Variants in ABLIM2 observed in about 807,000 individuals in gnomAD.
ABLIM2 encodes the protein actin-binding LIM protein 2.
A neutral mutation model predicts 97.7 loss-of-function variants in ABLIM2; 53 were observed. That is an observed-to-expected ratio of 0.54 (90% confidence interval 0.44 to 0.68). The LOEUF (loss-of-function observed/expected upper bound fraction) is 0.68, where lower values mean the gene tolerates loss of function less well. ABLIM2 is among the 30% of genes least tolerant of loss of function. The pLI, the probability that ABLIM2 is intolerant of heterozygous loss-of-function variation, is 0.00. For synonymous variants in ABLIM2, 361 were observed against 345.8 expected (o/e 1.04, Z -0.49); for missense variants, 835 against 867.2 (o/e 0.96, Z 0.47).
intron 1 of ABLIM2, among the ~76,000 whole-genome samples, chr4:8,136,329 T>G (rs1394050476): frequency 1.3e-5 from 2 of 152,128 alleles, no homozygotes; most frequent in Admixed American, 6.5e-5. Context: ...TTTGGGAAGA[T>G]GAGAGGGTCC....
Position 8,095,352 on chromosome 4 carries a change from C to T in ABLIM2, c.338+1747G>A, listed in dbSNP as rs142618729. On this transcript the variant is annotated intron_variant, in intron 3 of 20. Coordinates refer to ENST00000447017, the MANE Select transcript of ABLIM2 (RefSeq NM_001130083.2). The surrounding 1 kb of genome is among the most constrained non-coding windows in gnomAD (Gnocchi z 4.7). The stretch of plus-strand genomic sequence containing the variant: ...CTCCCAGCCTCAAGTGATCCTCGCA[C>T]CTCGGCCTCCCAAAGTGGAGGGATT... Among the ~76,000 whole-genome samples the T allele has an allele frequency of 3.8e-4, 58 of 152,274 alleles. No individual in the cohort carries two copies. Among genetic ancestry groups the T allele is most frequent in the African/African-American group, 1.2e-3 (50 of 41,550 alleles).
At chr4:8,101,013 C>A (rs1224726255) in intron 2 of ABLIM2, among the ~76,000 whole-genome samples, 1 of 152,156 alleles carries the variant, frequency 6.6e-6, no homozygotes, top group Non-Finnish European at 1.5e-5. Flanking sequence ...AGACTCAGAC[C>A]AGGGGAAAGC....
rs1421383805 is a variant in ABLIM2, at chr4:8,072,358, T to C, written c.675+5270A>G. On this transcript the variant is annotated intron_variant, in intron 6 of 20. Coordinates refer to ENST00000447017, the MANE Select transcript of ABLIM2 (RefSeq NM_001130083.2). This position sits in a 1 kb window ranked among gnomAD's most constrained non-coding sequence, Gnocchi z 5.8. ...GATGAAACCCACTTTGCTCGCCCAG[T>C]GCGGAGCGTGCCTGAGGCAGAGCAG... Among the ~76,000 whole-genome samples the C allele has an allele frequency of 6.6e-6, 1 of 152,176 alleles. No individual in the cohort carries two copies. The highest frequency in any genetic ancestry group is 1.5e-5 in the Non-Finnish European group (1 of 68,026).
chr4:8,025,466 C>T (rs1397801787), intron 12 of ABLIM2, among the ~76,000 whole-genome samples: 1 of 152,088 alleles, frequency 6.6e-6, no homozygotes, highest in Non-Finnish European at 1.5e-5. Flanking sequence ...GGTAGGTGGG[C>T]ACCCTCCTCT....
chr4:8,047,249 C>T (rs1041910697), intron 8 of ABLIM2, among the ~76,000 whole-genome samples: 1 of 152,202 alleles, frequency 6.6e-6, no homozygotes, highest in South Asian at 2.1e-4. Flanking sequence ...TGACACTCCA[C>T]CACCTGTCCG....
intron 1 of ABLIM2, among the ~76,000 whole-genome samples, chr4:8,117,579 C>T (rs1843351504): frequency 6.6e-6 from 1 of 152,172 alleles, no homozygotes; most frequent in South Asian, 2.1e-4. Context: ...GCAGACTCCA[C>T]CCACTGCAGT....
chr4:8,100,952 C>A (rs546435156), intron 2 of ABLIM2, among the ~76,000 whole-genome samples: 2 of 152,210 alleles, frequency 1.3e-5, no homozygotes, highest in East Asian at 3.9e-4. Context: ...TGCCCACACA[C>A]TAAATTGAAG....
intron 20 of ABLIM2, among the ~76,000 whole-genome samples, chr4:7,973,056 C>G (rs1729408231): frequency 8.4e-6 from 1 of 118,770 alleles, no homozygotes; most frequent in African/African-American, 3.1e-5. Context: ...AGGACTCCAG[C>G]AATGAGCTGC....
rs1014059160 is a variant in ABLIM2 at position 8,113,697 on chromosome 4, C to G, written c.11-7060G>C. Among the ~76,000 whole-genome samples the G allele has an allele frequency of 3.3e-5, 5 of 152,220 alleles. No homozygotes were observed. Among genetic ancestry groups the G allele is most frequent in the Admixed American group, 3.3e-4 (5 of 15,292 alleles). On this transcript the variant is annotated intron_variant, in intron 1 of 20. Transcript: ENST00000447017. The surrounding 1 kb of genome is among the most constrained non-coding windows in gnomAD (Gnocchi z 4.5). Reference sequence around the variant, plus strand: ...GCCAAGATGATTTCAGAAAGCTCCCCGTCTGCTGTTTGTATCATCCAAACG... The same window carrying G: ...GCCAAGATGATTTCAGAAAGCTCCCGGTCTGCTGTTTGTATCATCCAAACG...
chr4:7,983,240 C>A (rs1346740184), intron 20 of ABLIM2, 24 bp downstream of exon 20: 1 of 1,597,484 alleles, frequency 6.3e-7, no homozygotes, highest in Non-Finnish European at 8.5e-7. Context: ...AATGAGTCCC[C>A]TGCCCCGGCA....
At chr4:8,134,063 G>A (rs894106253) in intron 1 of ABLIM2, among the ~76,000 whole-genome samples, 4 of 152,316 alleles carry the variant, frequency 2.6e-5, no homozygotes, top group South Asian at 2.1e-4. Context: ...ACAGGCGGGC[G>A]GATGGGCCTC....
Position 8,045,248 on chromosome 4 carries a change from A to C in ABLIM2, c.823-7T>G. The C allele has an allele frequency of 1.2e-6, 2 of 1,612,770 alleles. No individual in the cohort carries two copies. Among genetic ancestry groups the C allele is most frequent in the Non-Finnish European group, 1.7e-6 (2 of 1,178,728 alleles). ...CTGAGGAAGTTCTGGTTTCCTGAGA[A>C]AGGAGAGAGGAAGAGATTGAAGGCA... On this transcript the variant is annotated splice_polypyrimidine_tract_variant and splice_region_variant and intron_variant, in intron 8 of 20. Transcript: ENST00000447017.
At chr4:8,088,370 CAA>C in intron 3 of ABLIM2, 86 bp from the exon 4 acceptor site, 1 of 1,015,580 alleles carries the variant, frequency 9.8e-7, no homozygotes, top group Middle Eastern at 2.1e-4. Context: ...AGACCAGGGC[CAA>C]TGTCTCCCCA....
At chr4:8,091,300 TTATATTATA>T (rs1444223435) in intron 3 of ABLIM2, among the ~76,000 whole-genome samples, 7,977 of 52,880 alleles carry the variant, frequency 0.15, 1,732 homozygotes, top group African/African-American at 0.32. Context: ...ATATTATATA[TTATATTATA>T]TATATATAAT....
chr4:8,046,278 C>A lies in ABLIM2; in HGVS notation c.823-1037G>T, dbSNP rs967381918. The stretch of plus-strand genomic sequence containing the variant: ...CCTGCGGACACACTCCTTCTGTGGT[C>A]CCCACACCTCTGGCTGCACCTGCTG... On this transcript the variant is annotated intron_variant, in intron 8 of 20. Coordinates refer to ENST00000447017, the MANE Select transcript of ABLIM2 (RefSeq NM_001130083.2). The surrounding 1 kb of genome is among the most constrained non-coding windows in gnomAD (Gnocchi z 4.4). Among the ~76,000 whole-genome samples the A allele has an allele frequency of 2.0e-5, 3 of 152,116 alleles. No homozygotes were observed. Among genetic ancestry groups the A allele is most frequent in the African/African-American group, 7.2e-5 (3 of 41,418 alleles).
rs569649629 is a variant in ABLIM2 at position 7,979,988 on chromosome 4, G to A, written c.1824+3276C>T. 2.6e-5 allele frequency among the ~76,000 whole-genome samples: 4 copies of A among 152,300 alleles called. No individual in the cohort carries two copies. In the East Asian group the frequency reaches 5.8e-4, roughly 22 times the overall value. On this transcript the variant is annotated intron_variant, in intron 20 of 20. Transcript: ENST00000447017. ...TATCAATGGAGCCAGCACAGAAAAA[G>A]CACAGTCAAAAGATAGAAGGAAGGA...
At chr4:8,000,770 G>A (rs1330520692) in intron 16 of ABLIM2, among the ~76,000 whole-genome samples, 2 of 152,160 alleles carry the variant, frequency 1.3e-5, no homozygotes, top group African/African-American at 4.8e-5. Context: ...GCCTGGGAAC[G>A]GGAGGCACCA....
chr4:8,140,525 G>C lies in ABLIM2; in HGVS notation c.10+18155C>G, dbSNP rs1338354099. ...GGGCAGTGACACGGGGGCCTTGCCT[G>C]CATGTGGGAGCCACACGTGGCCTCT... On this transcript the variant is annotated intron_variant, in intron 1 of 20. Transcript: ENST00000447017. This position sits in a 1 kb window ranked among gnomAD's most constrained non-coding sequence, Gnocchi z 5.9. Among the ~76,000 whole-genome samples, 1 of 152,174 alleles carries C rather than the reference G, an allele frequency of 6.6e-6. No homozygotes were observed. The highest frequency in any genetic ancestry group is 1.9e-4 in the East Asian group (1 of 5,196).
At chr4:8,051,359 CA>C (rs1795927722) in intron 8 of ABLIM2, among the ~76,000 whole-genome samples, 1 of 150,270 alleles carries the variant, frequency 6.7e-6, no homozygotes, top group Non-Finnish European at 1.5e-5. Context: ...CCATCCTGGT[CA>C]ACATAATGAA....
Sources: gnomAD v4.1 joint callset for allele counts (sites outside exome capture counted in the v4.1 genomes callset) on GRCh38, gnomAD v4.1.1 for gene constraint, Gnocchi (gnomAD v3.1) non-coding constraint, MANE v1.5 for transcripts, NCBI Gene and HGNC (gene_info 2026-07-23, HGNC 2026-07-21) for gene names.